Variants in RAB3GAP2 observed in about 807,000 individuals in gnomAD.
RAB3GAP2 encodes the protein rab3 GTPase-activating protein non-catalytic subunit.
RAB3GAP2 carries 87 observed loss-of-function variants against 185.3 expected under a neutral mutation model. The observed-to-expected ratio is 0.47, with a 90% CI of 0.39 to 0.56. The LOEUF (loss-of-function observed/expected upper bound fraction) is 0.56. Among genes scored for constraint, RAB3GAP2 ranks in the 20% least tolerant of loss-of-function variants. The pLI is 0.00. For synonymous variants in RAB3GAP2, 554 were observed against 576.1 expected (o/e 0.96, Z 0.55); for missense variants, 1,492 against 1,638.2 (o/e 0.91, Z 1.54).
chr1:220,167,696 A>C (rs780374557), intron 24 of RAB3GAP2, 21 bp from the exon 25 acceptor site: 1 of 1,611,240 alleles, frequency 6.2e-7, no homozygotes, highest in South Asian at 1.1e-5. Context: ...GAGACAAGAA[A>C]GAAAATAAAA....
At chr1:220,225,974 T>C (rs540599492) in intron 2 of RAB3GAP2, among the ~76,000 whole-genome samples, 2 of 152,318 alleles carry the variant, frequency 1.3e-5, no homozygotes, top group East Asian at 3.9e-4. Flanking sequence ...AACAATTCTC[T>C]GGGGCCTCCA....
At chr1:220,251,595 C>A (rs2102523074) in intron 1 of RAB3GAP2, among the ~76,000 whole-genome samples, 1 of 152,140 alleles carries the variant, frequency 6.6e-6, no homozygotes, top group Non-Finnish European at 1.5e-5. Flanking sequence ...TTTCATTTAT[C>A]AGAAGAACAA....
chr1:220,174,299 AT>A (rs1005668709), intron 21 of RAB3GAP2, among the ~76,000 whole-genome samples: 7 of 151,482 alleles, frequency 4.6e-5, no homozygotes, highest in Non-Finnish European at 8.8e-5. Context: ...AATGCCTTCT[AT>A]TTTTTTTCCT....
intron 26 of RAB3GAP2, 99 bp downstream of exon 26, chr1:220,167,194 C>T (rs558125524): frequency 6.5e-6 from 7 of 1,078,122 alleles, no homozygotes; most frequent in South Asian, 5.3e-5. Context: ...GGGGAAAAAG[C>T]CAGTGTTTAT....
At position 220,157,846 on chromosome 1, in the gene RAB3GAP2, A is replaced by T; in HGVS notation, c.3292T>A (p.Ser1098Thr). 6.2e-7 allele frequency: 1 copy of T among 1,613,838 alleles called. No individual in the cohort carries two copies. The highest frequency in any genetic ancestry group is 8.5e-7 in the Non-Finnish European group (1 of 1,179,740). Reference protein sequence around the residue: ...DVGMSDTAMTSFLGSCLDLLQ... With the variant: ...DVGMSDTAMTTFLGSCLDLLQ... ...AGATCCAAACAGGAGCCGAGGAAAGATGTCATTGCTGTGTCACTCATTCCC... is the reference window on the plus strand; with the variant it reads ...AGATCCAAACAGGAGCCGAGGAAAGTTGTCATTGCTGTGTCACTCATTCCC... The change falls in exon 30 of 35, where the codon TCT becomes ACT. Residue 1098 changes from serine (S) to threonine (T), a missense_variant. Ser to Thr is a moderately conservative substitution (Grantham distance 58). Transcript: ENST00000358951.
intron 1 of RAB3GAP2, among the ~76,000 whole-genome samples, chr1:220,247,672 C>A (rs1181764375): frequency 1.3e-5 from 2 of 152,070 alleles, no homozygotes; most frequent in Non-Finnish European, 1.5e-5. Flanking sequence ...GTGATGGGTG[C>A]ACTAAAAATC....
chr1:220,194,612 C>G (rs759908941), intron 12 of RAB3GAP2, among the ~76,000 whole-genome samples: 1 of 152,178 alleles, frequency 6.6e-6, no homozygotes, highest in Non-Finnish European at 1.5e-5. Context: ...AGGCTGGTGT[C>G]AAACTCCTGA....
intron 26 of RAB3GAP2, among the ~76,000 whole-genome samples, chr1:220,166,102 T>C (rs1213679901): frequency 6.6e-6 from 1 of 152,224 alleles, no homozygotes; most frequent in Non-Finnish European, 1.5e-5. Flanking sequence ...ATTCAGGCTG[T>C]AGTCAACTGA....
intron 9 of RAB3GAP2, among the ~76,000 whole-genome samples, chr1:220,197,544 C>T (rs1190916685): frequency 1.3e-5 from 2 of 152,158 alleles, no homozygotes; most frequent in Admixed American, 1.3e-4. Context: ...GAACACCTAT[C>T]TCATAGTCAT....
In RAB3GAP2 at chr1:220,193,328, T is replaced by C. The variant is rs1658661313; in HGVS notation, c.1182A>G (p.Pro394=). ...RRHGESICLS[P]CNTLAAVTDD... ...CTGTTACTGCTGCCAGTGTGTTACA[T>C]GGAGACAGACATATGCTTTCACCAT... Residue 394 remains proline, a synonymous_variant, in exon 13 of 35, where the codon CCA becomes CCG. Coordinates refer to ENST00000358951, the MANE Select transcript of RAB3GAP2 (RefSeq NM_012414.4). The C allele has an allele frequency of 6.2e-7, 1 of 1,614,026 alleles. No individual in the cohort carries two copies. Among genetic ancestry groups the C allele is most frequent in the South Asian group, 1.1e-5 (1 of 91,084 alleles).
chr1:220,231,622 G>T (rs1468066361), intron 2 of RAB3GAP2, among the ~76,000 whole-genome samples: 11 of 152,110 alleles, frequency 7.2e-5, no homozygotes. Flanking sequence ...TAACTCCAGG[G>T]AATAATATGA....
At chr1:220,159,270 C>T in intron 29 of RAB3GAP2, 116 bp downstream of exon 29, 1 of 856,702 alleles carries the variant, frequency 1.2e-6, no homozygotes, top group South Asian at 1.5e-5. Context: ...TTTCTTATCT[C>T]CTTCTGATAC....
In RAB3GAP2 at chr1:220,159,434, G is replaced by C. The variant is rs772682426; in HGVS notation, c.3226-13C>G. On this transcript the variant is annotated splice_polypyrimidine_tract_variant and intron_variant, in intron 28 of 34. Coordinates refer to ENST00000358951, the MANE Select transcript of RAB3GAP2 (RefSeq NM_012414.4). ...GTGATTTTCCAACCTAAAATAAAAA[G>C]ATAAAATGTTGTAACATTTAATAAT... The C allele has an allele frequency of 6.3e-7, 1 of 1,575,048 alleles. No individual in the cohort carries two copies. The highest frequency in any genetic ancestry group is 2.2e-5 in the East Asian group (1 of 44,536).
In RAB3GAP2 at chr1:220,172,660, A is replaced by G. The variant is rs1399287649; in HGVS notation, c.2393T>C (p.Leu798Pro). ...ACCTTTCATCTTGCTCAGGAGGGAC[A>G]GCATGGTATGAAGACAGCAGATTGA... Reference protein sequence around the residue: ...PQSICCLHTMLSLLSKMKVAI... With the variant: ...PQSICCLHTMPSLLSKMKVAI... The change falls in exon 22 of 35, where the codon CTG becomes CCG. Residue 798 changes from leucine (L) to proline (P), a missense_variant. Physicochemically the swap from Leu to Pro is moderately conservative, Grantham distance 98. Transcript: ENST00000358951. The G allele has an allele frequency of 6.2e-7, 1 of 1,611,618 alleles. No homozygotes were observed. The highest frequency in any genetic ancestry group is 2.2e-5 in the East Asian group (1 of 44,844).
At chr1:220,159,532 A>C (rs1657923320) in intron 28 of RAB3GAP2, 111 bp from the exon 29 acceptor site, 2 of 803,316 alleles carry the variant, frequency 2.5e-6, no homozygotes, top group African/African-American at 1.7e-5. Context: ...ATGGCGCTAT[A>C]AGTAAATGTG....
intron 1 of RAB3GAP2, chr1:220,254,314 C>T (rs1659994525): frequency 5.0e-6 from 8 of 1,613,364 alleles, no homozygotes; most frequent in Non-Finnish European, 6.8e-6. Context: ...TCTTGCAGAT[C>T]ATCCCGATGC....
At chr1:220,195,491 C>T (rs1658706926) in intron 10 of RAB3GAP2, 114 bp from the exon 11 acceptor site, 2 of 954,850 alleles carry the variant, frequency 2.1e-6, no homozygotes, top group Admixed American at 3.6e-5. Context: ...GCTGGACTAG[C>T]AACTCAGCTT....
intron 24 of RAB3GAP2, 80 bp from the exon 25 acceptor site, chr1:220,167,755 C>T (rs1025502957): frequency 1.5e-5 from 21 of 1,396,320 alleles, no homozygotes; most frequent in Non-Finnish European, 2.0e-5. Flanking sequence ...AATTTCCTTA[C>T]GAAGAGATCT....
intron 13 of RAB3GAP2, 121 bp downstream of exon 13, chr1:220,193,119 G>A (rs899452835): frequency 3.8e-6 from 5 of 1,302,410 alleles, no homozygotes; most frequent in East Asian, 2.4e-5. Flanking sequence ...GTCAAAAAAA[G>A]AAAATGTAAA....
Sources: allele counts gnomAD v4.1 joint callset (sites outside exome capture counted in the v4.1 genomes callset), GRCh38; gene constraint gnomAD v4.1.1; transcripts MANE v1.5; gene names NCBI Gene and HGNC (gene_info 2026-07-23, HGNC 2026-07-21).